The following OLFM3 variants were observed in gnomAD, a reference collection of about 807,000 sequenced individuals.
OLFM3 encodes the protein noelin-3.
OLFM3 carries 20 observed loss-of-function variants against 48.6 expected under a neutral mutation model. The ratio of observed to expected loss-of-function variants is 0.41; its 90% CI spans 0.29 to 0.60. The LOEUF (loss-of-function observed/expected upper bound fraction) is 0.60, where lower values mean the gene tolerates loss of function less well. Among genes scored for constraint, OLFM3 ranks in the 20% least tolerant of loss-of-function variants. The pLI is 0.28. For missense variants in OLFM3, 437 were observed against 544.3 expected (o/e 0.80, Z 1.96); for synonymous variants, 222 against 198.1 (o/e 1.12, Z -1.01).
intron 4 of OLFM3, among the ~76,000 whole-genome samples, chr1:101,811,349 T>A (rs938243736): frequency 6.6e-6 from 1 of 152,094 alleles, no homozygotes; most frequent in Non-Finnish European, 1.5e-5. Context: ...GGGATCTAAT[T>A]AAACTAAAGA....
chr1:101,817,964 G>C (rs1009629387), intron 4 of OLFM3, among the ~76,000 whole-genome samples: 2 of 152,058 alleles, frequency 1.3e-5, no homozygotes, highest in Non-Finnish European at 2.9e-5. Context: ...TATTTAAAAT[G>C]TTGTATTGGA....
intron 1 of OLFM3, among the ~76,000 whole-genome samples, chr1:101,910,902 A>C (rs1658739198): frequency 6.6e-6 from 1 of 152,218 alleles, no homozygotes; most frequent in Non-Finnish European, 1.5e-5. Flanking sequence ...GGTAAGAACT[A>C]AGATTCAGTA....
chr1:101,962,320 G>A (rs929092254), intron 1 of OLFM3, among the ~76,000 whole-genome samples: 1 of 152,048 alleles, frequency 6.6e-6, no homozygotes, highest in Non-Finnish European at 1.5e-5. Context: ...TTCTAGTGGG[G>A]ATGTTGATGA....
At chr1:101,926,152 GATC>G (rs1197922842) in intron 1 of OLFM3, among the ~76,000 whole-genome samples, 2 of 152,056 alleles carry the variant, frequency 1.3e-5, no homozygotes, top group Non-Finnish European at 2.9e-5. Flanking sequence ...AATTTAACTA[GATC>G]ATTAAAATAT....
At chr1:101,864,120 T>C (rs527385073) in intron 1 of OLFM3, among the ~76,000 whole-genome samples, 1 of 152,298 alleles carries the variant, frequency 6.6e-6, no homozygotes, top group East Asian at 1.9e-4. Flanking sequence ...CTTCAGTTGT[T>C]ACTGAATTAG....
intron 1 of OLFM3, among the ~76,000 whole-genome samples, chr1:101,886,687 C>T (rs536789560): frequency 1.8e-4 from 28 of 152,110 alleles, no homozygotes; most frequent in African/African-American, 4.6e-4. Context: ...AATGAAACCA[C>T]GTAGCTGAGG....
chr1:101,876,606 A>G lies in OLFM3; in HGVS notation c.70-39581T>C, dbSNP rs371770879. 3.3e-5 allele frequency among the ~76,000 whole-genome samples: 5 copies of G among 152,164 alleles called. No homozygotes were observed. In the South Asian group the frequency reaches 1.0e-3, roughly 31 times the overall value. On this transcript the variant is annotated intron_variant, in intron 1 of 5. Transcript: ENST00000370103. The stretch of plus-strand genomic sequence containing the variant: ...GCCTGACCAAAATAAGAGATAAACA[A>G]TAGATTTGTAAACAATAAAGTAGTA...
intron 1 of OLFM3, among the ~76,000 whole-genome samples, chr1:101,929,557 A>G (rs1659381390): frequency 6.6e-6 from 1 of 152,172 alleles, no homozygotes; most frequent in Admixed American, 6.5e-5. Flanking sequence ...CTCCTGAGAC[A>G]GCATAATGAA....
intron 4 of OLFM3, among the ~76,000 whole-genome samples, chr1:101,820,774 T>C (rs535147758): frequency 1.3e-5 from 2 of 152,254 alleles, no homozygotes; most frequent in African/African-American, 2.4e-5. Context: ...TCATGTGATG[T>C]ATGCTGTGAC....
intron 1 of OLFM3, among the ~76,000 whole-genome samples, chr1:101,897,677 G>C (rs1658251870): frequency 6.6e-6 from 1 of 152,046 alleles, no homozygotes. Context: ...ATTAGAAACA[G>C]CTATGATTTA....
intron 1 of OLFM3, among the ~76,000 whole-genome samples, chr1:101,979,674 T>C (rs1162492423): frequency 2.6e-5 from 4 of 152,130 alleles, no homozygotes; most frequent in African/African-American, 9.7e-5. Context: ...GGAACCCTCA[T>C]GGAAAACCTC....
At chr1:101,855,597 A>C (rs550380451) in intron 1 of OLFM3, among the ~76,000 whole-genome samples, 43 of 152,220 alleles carry the variant, frequency 2.8e-4, no homozygotes, top group African/African-American at 1.0e-3. Context: ...CACAAAAATT[A>C]AAAGCAACAT....
intron 1 of OLFM3, among the ~76,000 whole-genome samples, chr1:101,851,234 C>G (rs527574636): frequency 6.6e-6 from 1 of 152,074 alleles, no homozygotes; most frequent in Non-Finnish European, 1.5e-5. Flanking sequence ...CAGATTCTTC[C>G]ACTTACTAGA....
chr1:101,817,427 AAGAAAGTGACC>A (rs1445679624), intron 4 of OLFM3, among the ~76,000 whole-genome samples: 1 of 152,180 alleles, frequency 6.6e-6, no homozygotes, highest in East Asian at 1.9e-4. Context: ...GCAGTAATTG[AAGAAAGTGACC>A]GTGACCATTT....
chr1:101,958,020 A>G (rs1022908098), intron 1 of OLFM3, among the ~76,000 whole-genome samples: 1 of 152,094 alleles, frequency 6.6e-6, no homozygotes, highest in African/African-American at 2.4e-5. Context: ...TAAATGAATG[A>G]GCTGTAGAGT....
chr1:101,816,807 C>T (rs932011040), intron 4 of OLFM3, among the ~76,000 whole-genome samples: 3 of 152,050 alleles, frequency 2.0e-5, no homozygotes, highest in Non-Finnish European at 2.9e-5. Flanking sequence ...ACACCATCAG[C>T]GTTATGTTTA....
intron 1 of OLFM3, among the ~76,000 whole-genome samples, chr1:101,969,304 A>G (rs1482453115): frequency 7.3e-6 from 1 of 136,768 alleles, no homozygotes; most frequent in Non-Finnish European, 1.5e-5. Context: ...ATGCAACACC[A>G]CGCCTGGCTA....
In OLFM3 at chr1:101,962,208, C is replaced by T. The variant is rs529001672; in HGVS notation, c.69+34540G>A. 5.3e-5 allele frequency among the ~76,000 whole-genome samples: 8 copies of T among 152,164 alleles called. 1 individual carries two copies. The South Asian group carries it at 1.2e-3, about 24-fold the overall frequency. On this transcript the variant is annotated intron_variant, in intron 1 of 5. Coordinates refer to ENST00000370103, the MANE Select transcript of OLFM3 (RefSeq NM_058170.4). The stretch of plus-strand genomic sequence containing the variant: ...ATAGAACTGTAGGGATTATAAACTT[C>T]GTGGAGTTCTGCAATTCAATGCAAT...
At chr1:101,980,423 C>T (rs1319696585) in intron 1 of OLFM3, among the ~76,000 whole-genome samples, 1 of 152,062 alleles carries the variant, frequency 6.6e-6, no homozygotes, top group Non-Finnish European at 1.5e-5. Context: ...GGGTGGTGTC[C>T]TCCATGGTGT....
Sources: gnomAD v4.1 joint callset for allele counts (sites outside exome capture counted in the v4.1 genomes callset) on GRCh38, gnomAD v4.1.1 for gene constraint, MANE v1.5 for transcripts, NCBI Gene and HGNC (gene_info 2026-07-23, HGNC 2026-07-21) for gene names.